Variants in CDC25C observed in about 807,000 individuals in gnomAD.
CDC25C encodes cell division cycle 25C.
In CDC25C, 48 loss-of-function variants were observed where a neutral mutation model predicts 52.5. The ratio of observed to expected loss-of-function variants is 0.91; its 90% CI spans 0.72 to 1.16. CDC25C has a LOEUF of 1.16. Ranked by LOEUF, CDC25C falls within the 50% of genes most tolerant of loss-of-function variation. The pLI is 0.00. For missense variants in CDC25C, 510 were observed against 566.1 expected (o/e 0.90, Z 1.01); for synonymous variants, 187 against 206.5 (o/e 0.91, Z 0.81).
chr5:138,288,086 G>GT (rs11568003), intron 10 of CDC25C, among the ~76,000 whole-genome samples: 1 of 149,786 alleles, frequency 6.7e-6, no homozygotes, highest in Admixed American at 6.6e-5. Flanking sequence ...CTTTTTTTTT[G>GT]TTTTTTGAGA....
chr5:138,313,193 T>G (rs1257620790), intron 7 of CDC25C, among the ~76,000 whole-genome samples: 2 of 151,850 alleles, frequency 1.3e-5, no homozygotes, highest in Non-Finnish European at 2.9e-5. Flanking sequence ...CTGGCCAACA[T>G]GGTGAAACCT....
chr5:138,305,680 T>C (rs1757954412), intron 7 of CDC25C, among the ~76,000 whole-genome samples: 1 of 152,170 alleles, frequency 6.6e-6, no homozygotes, highest in Admixed American at 6.6e-5. Context: ...GGATTACAAG[T>C]GTGAGCCACC....
At chr5:138,303,929 C>T (rs1161806822) in intron 7 of CDC25C, among the ~76,000 whole-genome samples, 4 of 152,196 alleles carry the variant, frequency 2.6e-5, no homozygotes, top group East Asian at 1.9e-4. Flanking sequence ...AGGGACACTT[C>T]GTGCTCTGTG....
At chr5:138,329,518 C>T in intron 3 of CDC25C, 35 bp downstream of exon 3, 1 of 1,269,542 alleles carries the variant, frequency 7.9e-7, no homozygotes, top group South Asian at 1.2e-5. Flanking sequence ...AAAAGTTATT[C>T]TTCCCTTTGA....
intron 8 of CDC25C, among the ~76,000 whole-genome samples, chr5:138,291,446 T>A (rs1310673039): frequency 1.1e-4 from 15 of 141,410 alleles, no homozygotes; most frequent in Non-Finnish European, 9.1e-5. Context: ...TGAGACGGAG[T>A]CTTGCTCTGT....
Position 138,319,223 on chromosome 5 carries a change from G to C in CDC25C, c.611C>G (p.Ala204Gly), listed in dbSNP as rs746918948. ...LMEFSLKDQE[A>G]KVSRSGLYRS... ...TACTACCACAGAACACTTTACCTTT[G>C]CTTCTTGATCTTTCAGGGAAAACTC... The change falls in exon 7 of 14, where the codon GCA becomes GGA. Residue 204 changes from alanine to glycine, a missense_variant. Coordinates refer to ENST00000323760, the MANE Select transcript of CDC25C (RefSeq NM_001790.5). 1.2e-6 allele frequency: 2 copies of C among 1,611,422 alleles called. No homozygotes were observed. Among genetic ancestry groups the C allele is most frequent in the Non-Finnish European group, 8.5e-7 (1 of 1,178,328 alleles).
intron 13 of CDC25C, 58 bp downstream of exon 13, chr5:138,285,964 T>G: frequency 6.5e-7 from 1 of 1,536,098 alleles, no homozygotes; most frequent in Non-Finnish European, 9.0e-7. Context: ...CTGAAGGCTT[T>G]GCAGGCCCTG....
Position 138,292,088 on chromosome 5 carries a change from G to A in CDC25C, c.644C>T (p.Pro215Leu), listed in dbSNP as rs765926396. ...CCTGTTCAAGTTCTCTGGCATCGAC[G>A]GGGAGCGATATAGGCCACTTCTGCT... Reference protein sequence around the residue: ...KVSRSGLYRSPSMPENLNRPR... With the variant: ...KVSRSGLYRSLSMPENLNRPR... Residue 215 changes from proline to leucine, a missense_variant, in exon 8 of 14, where the codon CCG becomes CTG. Pro to Leu is a moderately conservative substitution (Grantham distance 98, BLOSUM62 -3). Coordinates refer to ENST00000323760, the MANE Select transcript of CDC25C (RefSeq NM_001790.5). 3.0e-5 allele frequency: 48 copies of A among 1,612,522 alleles called. No homozygotes were observed. The highest frequency in any genetic ancestry group is 3.4e-5 in the Non-Finnish European group (40 of 1,179,308).
At chr5:138,318,721 A>G (rs1241937508) in intron 7 of CDC25C, among the ~76,000 whole-genome samples, 2 of 152,214 alleles carry the variant, frequency 1.3e-5, no homozygotes, top group Non-Finnish European at 2.9e-5. Flanking sequence ...TCTTAAAAAA[A>G]ACAAACAACA....
At chr5:138,308,229 A>G (rs1253971687) in intron 7 of CDC25C, among the ~76,000 whole-genome samples, 1 of 152,156 alleles carries the variant, frequency 6.6e-6, no homozygotes, top group Non-Finnish European at 1.5e-5. Context: ...ATGCTTCTAT[A>G]CTGTCTATAT....
upstream of CDC25C, chr5:138,332,063 C>T (rs977984238): frequency 9.5e-6 from 2 of 210,878 alleles, no homozygotes; most frequent in African/African-American, 4.7e-5. Context: ...CACGGGGAGC[C>T]TGGCGCATCA....
At chr5:138,298,913 C>T (rs1727671055) in intron 7 of CDC25C, among the ~76,000 whole-genome samples, 1 of 151,822 alleles carries the variant, frequency 6.6e-6, no homozygotes, top group Non-Finnish European at 1.5e-5. Flanking sequence ...ATTAAATAGG[C>T]CAGGTGTGGT....
chr5:138,289,638 C>A, intron 9 of CDC25C, 75 bp from the exon 10 acceptor site: 6 of 1,260,184 alleles, frequency 4.8e-6, no homozygotes, highest in Admixed American at 1.7e-5. Flanking sequence ...CTTATTTTGT[C>A]CTTCTTTCCA....
chr5:138,311,200 A>G (rs530262527), intron 7 of CDC25C, among the ~76,000 whole-genome samples: 33 of 152,180 alleles, frequency 2.2e-4, no homozygotes, highest in Admixed American at 1.3e-4. Flanking sequence ...CTTTGTCCCA[A>G]AGAGCAAAGT....
intron 8 of CDC25C, among the ~76,000 whole-genome samples, 165 bp downstream of exon 8, chr5:138,291,805 G>A (rs944047985): frequency 9.3e-5 from 14 of 150,300 alleles, no homozygotes; most frequent in African/African-American, 2.0e-4. Context: ...TATATTTCAC[G>A]TGGATACAGA....
At chr5:138,319,141 G>A (rs747447343) in intron 7 of CDC25C, 78 bp downstream of exon 7, 26 of 1,306,914 alleles carry the variant, frequency 2.0e-5, no homozygotes, top group Non-Finnish European at 2.5e-5. Context: ...ACTCTCCTAA[G>A]TTTAATTTGT....
At chr5:138,328,434 A>C in intron 4 of CDC25C, 50 bp downstream of exon 4, 1 of 1,535,166 alleles carries the variant, frequency 6.5e-7, no homozygotes, top group Non-Finnish European at 9.0e-7. Flanking sequence ...AATCTCTATG[A>C]CCAGTGCTAA....
Position 138,308,765 on chromosome 5 carries a change from T to C in CDC25C, c.615+10454A>G, listed in dbSNP as rs141949652. On this transcript the variant is annotated intron_variant, in intron 7 of 13. Coordinates refer to ENST00000323760, the MANE Select transcript of CDC25C (RefSeq NM_001790.5). ...GGACTTAATACTATGTTATAGAACA[T>C]AACGCTCAAAATTTAGTGTATATCA... is the stretch of plus-strand genomic sequence containing the variant. Among the ~76,000 whole-genome samples, 27 of 152,186 alleles carry C rather than the reference T, an allele frequency of 1.8e-4. No individual in the cohort carries two copies. In the East Asian group the frequency reaches 4.8e-3, roughly 27 times the overall value.
chr5:138,285,572 G>T lies in CDC25C; in HGVS notation c.*120C>A. 1 of 912,070 alleles carries T rather than the reference G, an allele frequency of 1.1e-6. No homozygotes were observed. Among genetic ancestry groups the T allele is most frequent in the Non-Finnish European group, 1.7e-6 (1 of 585,840 alleles). 56.5% of individuals were successfully genotyped at this position (912,070 alleles called of 1,614,324 possible). On this transcript the variant is annotated 3_prime_UTR_variant, in exon 14 of 14. Transcript: ENST00000323760. ...AGGCCTGGATACAAGTTGGTAGCCT[G>T]TTGGTTTGCAGAGACATCTTTTAAT...
Sources: allele counts gnomAD v4.1 joint callset (sites outside exome capture counted in the v4.1 genomes callset), GRCh38; gene constraint gnomAD v4.1.1; transcripts MANE v1.5; gene names NCBI Gene and HGNC (gene_info 2026-07-23, HGNC 2026-07-21).